The following PDXDC1 variants were observed in gnomAD, a reference collection of about 807,000 sequenced individuals.
PDXDC1 encodes pyridoxal-dependent decarboxylase domain-containing protein 1.
In PDXDC1, 42 loss-of-function variants were observed where a neutral mutation model predicts 100.1. The ratio of observed to expected loss-of-function variants is 0.42; its 90% CI spans 0.33 to 0.54. The LOEUF is 0.54. Ranked by LOEUF, PDXDC1 falls within the 20% of genes least tolerant of loss-of-function variation. PDXDC1 has a pLI of 0.10. For missense variants in PDXDC1, 636 were observed against 979.2 expected (o/e 0.65, Z 4.68); for synonymous variants, 260 against 371.7 (o/e 0.70, Z 3.46).
At chr16:15,109,936 C>G (rs2046972097) in intron 16 of PDXDC1, among the ~76,000 whole-genome samples, 1 of 142,108 alleles carries the variant, frequency 7.0e-6, no homozygotes, top group African/African-American at 2.5e-5. Context: ...GGTGGATTAC[C>G]TGAGGTCAGA....
At chr16:15,129,155 A>G (rs80343127) in intron 16 of PDXDC1, among the ~76,000 whole-genome samples, 23 of 151,870 alleles carry the variant, frequency 1.5e-4, no homozygotes, top group South Asian at 6.2e-4. Flanking sequence ...AAATGAAGAT[A>G]AAAGCAGCAC....
chr16:15,082,528 C>T (rs1026171834), intron 16 of PDXDC1, among the ~76,000 whole-genome samples: 4 of 151,870 alleles, frequency 2.6e-5, no homozygotes, highest in East Asian at 3.9e-4. Context: ...CAAAAATTAG[C>T]GGGGTGTGGT....
chr16:15,102,402 G>C (rs1487730705), intron 16 of PDXDC1, among the ~76,000 whole-genome samples: 2 of 152,024 alleles, frequency 1.3e-5, no homozygotes, highest in African/African-American at 2.4e-5. Context: ...GCTTGTGCCT[G>C]GGCTGAGGCC....
rs758971955 is a variant in PDXDC1 at position 15,032,869 on chromosome 16, A to G, written c.1580A>G (p.His527Arg). 3 of 1,571,630 alleles carry G rather than the reference A, an allele frequency of 1.9e-6. No homozygotes were observed. In the Admixed American group the frequency reaches 5.0e-5, roughly 26 times the overall value. Residue 527 changes from histidine to arginine, a missense_variant, in exon 18 of 23, where the codon CAT becomes CGT. Around this residue, in one of 4 missense-constraint regions of PDXDC1, gnomAD observed 452 missense variants for 402.9 expected, o/e 1.12. Transcript: ENST00000396410. ...GTTTGATGTTGTTTTAGGTATGAAC[A>G]TGCTAATGATGATAAGAGCAGTTTG... ...WSGIGVVRYE[H>R]ANDDKSSLKS... is the part of the protein sequence containing the mutation.
downstream of PDXDC1, among the ~76,000 whole-genome samples, chr16:15,042,653 G>A (rs1300417865): frequency 1.3e-5 from 2 of 152,080 alleles, no homozygotes; most frequent in East Asian, 1.9e-4. Flanking sequence ...AAATCTCTAT[G>A]CACATTTCAG....
At chr16:15,074,563 G>A (rs1189487082) in intron 16 of PDXDC1, 3 of 454,634 alleles carry the variant, frequency 6.6e-6, no homozygotes, top group Admixed American at 8.4e-5. Context: ...CAAGCTATGT[G>A]ACTGGCAAGT....
intron 1 of PDXDC1, among the ~76,000 whole-genome samples, chr16:14,984,561 C>T (rs1378856077): frequency 6.7e-6 from 1 of 149,472 alleles, no homozygotes; most frequent in Non-Finnish European, 1.5e-5. Context: ...GCAATGGCGC[C>T]ATCTCGGTTC....
At chr16:15,122,173 C>T (rs1033393079) in intron 16 of PDXDC1, among the ~76,000 whole-genome samples, 6 of 152,062 alleles carry the variant, frequency 3.9e-5, no homozygotes, top group Non-Finnish European at 2.9e-5. Flanking sequence ...AAAAAACAAA[C>T]AAACAAACAA....
chr16:14,987,992 CTTTTTT>C (rs58211541), intron 1 of PDXDC1, among the ~76,000 whole-genome samples: 5 of 134,576 alleles, frequency 3.7e-5, no homozygotes, highest in Admixed American at 7.5e-5. Context: ...TTATACAATT[CTTTTTT>C]TTTTTTTTTT....
At chr16:15,046,012 C>CA (rs1193262701) in intron 16 of PDXDC1, 1 of 152,296 alleles carries the variant, frequency 6.6e-6, no homozygotes, top group Admixed American at 6.5e-5. Context: ...CCTGAGCGAT[C>CA]ACAGTTCTAC....
chr16:15,124,428 G>C (rs1201203969), intron 16 of PDXDC1, among the ~76,000 whole-genome samples: 1 of 152,118 alleles, frequency 6.6e-6, no homozygotes, highest in Non-Finnish European at 1.5e-5. Flanking sequence ...CAAATAGAAA[G>C]CCAATGCCTT....
chr16:14,989,117 C>T, intron 1 of PDXDC1: 1 of 1,614,274 alleles, frequency 6.2e-7, no homozygotes, highest in Non-Finnish European at 8.5e-7. Context: ...CAGTGATCTT[C>T]ATTTCCACTC....
At chr16:15,052,011 T>TAA (rs879576261) in intron 16 of PDXDC1, among the ~76,000 whole-genome samples, 1 of 143,362 alleles carries the variant, frequency 7.0e-6, no homozygotes, top group Admixed American at 7.0e-5. Context: ...AATATTTGCT[T>TAA]AAAAAAAAAA....
Position 14,975,150 on chromosome 16 carries a change from A to T in PDXDC1, c.-50A>T. 6.8e-7 allele frequency: 1 copy of T among 1,465,728 alleles called. No homozygotes were observed. Among genetic ancestry groups the T allele is most frequent in the Non-Finnish European group, 8.9e-7 (1 of 1,118,990 alleles). The allele number at this position is 1,465,728 out of a possible 1,614,324, so 90.8% of individuals were successfully genotyped here. A position where few individuals can be genotyped will look rare whatever the true frequency, so the allele number is the denominator to read the frequency against. On this transcript the variant is annotated 5_prime_UTR_variant, in exon 1 of 23. Coordinates refer to ENST00000396410, the MANE Select transcript of PDXDC1 (RefSeq NM_015027.4). ...CGTGGAAGGAGCTGCGGGGCGCGGGAGGAGGAAGTAGAGCCCGGGACCGCC... is the reference window on the plus strand; with the variant it reads ...CGTGGAAGGAGCTGCGGGGCGCGGGTGGAGGAAGTAGAGCCCGGGACCGCC...
At position 15,035,553 on chromosome 16, in the gene PDXDC1, G is replaced by A; in HGVS notation, c.2107G>A (p.Gly703Ser). 6.3e-7 allele frequency: 1 copy of A among 1,585,898 alleles called. No individual in the cohort carries two copies. The highest frequency in any genetic ancestry group is 8.6e-7 in the Non-Finnish European group (1 of 1,157,054). Residue 703 changes from glycine (G) to serine (S), a missense_variant and splice_region_variant, in exon 22 of 23, where the codon GGC becomes AGC. By Grantham distance (56) the Gly-to-Ser change is moderately conservative (BLOSUM62 0). This residue lies in a region of PDXDC1 where 452 missense variants were observed against 402.9 expected (regional missense o/e 1.12). Coordinates refer to ENST00000396410, the MANE Select transcript of PDXDC1 (RefSeq NM_015027.4). ...SGSRTKQRLP[G>S]QKPFKRSLRG... ...CAGTCGCACCAAGCAGAGGCTTCCA[G>A]GTAAGTGACGCCTCTGCACCGAGTT...
chr16:15,144,892 C>A, the PDXDC1 span, among the ~76,000 whole-genome samples: 1 of 152,176 alleles, frequency 6.6e-6, no homozygotes, highest in East Asian at 1.9e-4. Context: ...TGCCACCTGC[C>A]GCTGGGGTCG....
At chr16:15,130,303 C>A (rs1298016749) in intron 16 of PDXDC1, 3 of 1,536,306 alleles carry the variant, frequency 2.0e-6, no homozygotes, top group Non-Finnish European at 2.6e-6. Flanking sequence ...GAGGTCTCCT[C>A]CAGGGGCAGC....
chr16:14,995,034 T>C (rs192800938), intron 1 of PDXDC1, among the ~76,000 whole-genome samples: 54 of 152,416 alleles, frequency 3.5e-4, no homozygotes, highest in Admixed American at 1.1e-3. Context: ...TTTAAGGAGA[T>C]TTTGGGCTGA....
At chr16:15,127,766 T>C (rs770504028) in intron 16 of PDXDC1, 1 of 1,550,426 alleles carries the variant, frequency 6.4e-7, no homozygotes, top group East Asian at 2.4e-5. Context: ...ACGCAGCAGG[T>C]GGCCCTCTGG....
Sources: gnomAD v4.1 joint callset for allele counts (sites outside exome capture counted in the v4.1 genomes callset) on GRCh38, gnomAD v4.1.1 for gene constraint, gnomAD v4.1.1 regional missense constraint, MANE v1.5 for transcripts, NCBI Gene and HGNC (gene_info 2026-07-23, HGNC 2026-07-21) for gene names.